The following ZNF362 variants were observed in gnomAD, a reference collection of about 807,000 sequenced individuals.
ZNF362 encodes the protein zinc finger protein 362, also known as rotund homolog.
In ZNF362, 11 loss-of-function variants were observed where a neutral mutation model predicts 42.9. The observed-to-expected ratio is 0.26, with a 90% CI of 0.16 to 0.42. The LOEUF is 0.42. Among genes scored for constraint, ZNF362 ranks in the 20% least tolerant of loss-of-function variants. The pLI, the probability that ZNF362 is intolerant of heterozygous loss-of-function variation, is 1.00. For missense variants in ZNF362, 362 were observed against 576.2 expected (o/e 0.63, Z 3.81); for synonymous variants, 255 against 257.3 (o/e 0.99, Z 0.09).
chr1:33,270,741 GGTGT>G, intron 2 of ZNF362, 129 bp downstream of exon 2: 6 of 1,485,792 alleles, frequency 4.0e-6, no homozygotes, highest in Non-Finnish European at 5.4e-6. Flanking sequence ...CCCTGGGGGA[GGTGT>G]GTGCTTACCC....
chr1:33,189,292 GT>G, the ZNF362 span, among the ~76,000 whole-genome samples: 1 of 152,052 alleles, frequency 6.6e-6, no homozygotes, highest in Admixed American at 6.6e-5. Flanking sequence ...GAGGGGAGAG[GT>G]TCCAATGCAG....
upstream of ZNF362, among the ~76,000 whole-genome samples, chr1:33,252,714 A>C (rs556893563): frequency 2.0e-5 from 3 of 152,328 alleles, no homozygotes; most frequent in Non-Finnish European, 4.4e-5. Context: ...TAAATACTTG[A>C]ATGAGTGAAA....
At chr1:33,263,438 T>C (rs909531434) in intron 1 of ZNF362, among the ~76,000 whole-genome samples, 6 of 148,510 alleles carry the variant, frequency 4.0e-5, no homozygotes, top group Non-Finnish European at 8.9e-5. Flanking sequence ...TGAGATGGAG[T>C]CTCGCTCTAT....
intron 1 of ZNF362, among the ~76,000 whole-genome samples, chr1:33,262,433 A>G (rs1645835032): frequency 6.8e-6 from 1 of 146,024 alleles, no homozygotes; most frequent in East Asian, 2.1e-4. Flanking sequence ...CAGCCTCCCG[A>G]GTAGCTGGGA....
chr1:33,143,902 C>T, the ZNF362 span, among the ~76,000 whole-genome samples: 1 of 152,232 alleles, frequency 6.6e-6, no homozygotes, highest in Non-Finnish European at 1.5e-5. Context: ...ACTCTGTGAC[C>T]ATGTGCGGCT....
intron 1 of ZNF362, 127 bp from the exon 2 acceptor site, chr1:33,270,360 A>G: frequency 3.9e-6 from 2 of 518,118 alleles, no homozygotes; most frequent in Non-Finnish European, 7.0e-6. Flanking sequence ...TGCATCTCAG[A>G]GTCATTGGGA....
chr1:33,280,560 G>A lies in ZNF362; in HGVS notation c.683+103G>A. On this transcript the variant is annotated intron_variant, in intron 5 of 8. Coordinates refer to ENST00000539719, the MANE Select transcript of ZNF362 (RefSeq NM_152493.3). This position sits in a 1 kb window ranked among gnomAD's most constrained non-coding sequence, Gnocchi z 5.6. Reference sequence around the variant, plus strand: ...GCGGGGCTGAAACAGGACCCTTAGGGCTGAGGGGCAGGGCTAGGGTCCAGA... The same window carrying A: ...GCGGGGCTGAAACAGGACCCTTAGGACTGAGGGGCAGGGCTAGGGTCCAGA... 2 of 1,455,764 alleles carry A rather than the reference G, an allele frequency of 1.4e-6. No individual in the cohort carries two copies. The highest frequency in any genetic ancestry group is 9.1e-7 in the Non-Finnish European group (1 of 1,100,558). 90.2% of individuals were successfully genotyped at this position (1,455,764 alleles called of 1,614,324 possible).
chr1:33,145,822 C>T, the ZNF362 span: 7 of 468,962 alleles, frequency 1.5e-5, no homozygotes, highest in African/African-American at 4.0e-5. Flanking sequence ...GGCAGAAAAA[C>T]GCAGGTGGGG....
rs906582052 is a variant in ZNF362 at position 33,290,038 on chromosome 1, G to A, written c.909-4899G>A. Among the ~76,000 whole-genome samples the A allele has an allele frequency of 2.0e-5, 3 of 152,184 alleles. No homozygotes were observed. In the East Asian group the frequency reaches 5.8e-4, roughly 29 times the overall value. On this transcript the variant is annotated intron_variant, in intron 6 of 8. Coordinates refer to ENST00000539719, the MANE Select transcript of ZNF362 (RefSeq NM_152493.3). ...AGCTTGGATAAAGGATTGGAGGTGGGCAAGGGCTCAGTGCTGGAGGAGCTA... is the reference window on the plus strand; with the variant it reads ...AGCTTGGATAAAGGATTGGAGGTGGACAAGGGCTCAGTGCTGGAGGAGCTA...
At chr1:33,190,258 G>T in the ZNF362 span, among the ~76,000 whole-genome samples, 116,405 of 152,018 alleles carry the variant, frequency 0.77, 44,580 homozygotes, top group Non-Finnish European at 0.79. Flanking sequence ...AGGAACTTCA[G>T]GGTCTATTAG....
chr1:33,155,780 G>A, the ZNF362 span, among the ~76,000 whole-genome samples: 2 of 152,126 alleles, frequency 1.3e-5, no homozygotes, highest in Non-Finnish European at 2.9e-5. Context: ...GAACACACAG[G>A]GTTCTCTGCT....
the ZNF362 span, among the ~76,000 whole-genome samples, chr1:33,227,844 T>C: frequency 7.9e-6 from 1 of 125,954 alleles, no homozygotes; most frequent in Non-Finnish European, 1.7e-5. Context: ...TGCTCAGAAA[T>C]GGAGAGGGAA....
chr1:33,237,892 T>G, the ZNF362 span, among the ~76,000 whole-genome samples: 31,892 of 152,202 alleles, frequency 0.21, 3,595 homozygotes, highest in South Asian at 0.29. Context: ...TGAGCATCTA[T>G]GAAATCTATG....
the ZNF362 span, among the ~76,000 whole-genome samples, chr1:33,191,516 T>C: frequency 6.8e-6 from 1 of 146,990 alleles, no homozygotes; most frequent in African/African-American, 2.6e-5. Context: ...TTGTTTTTGT[T>C]TTTGTTTTTT....
the ZNF362 span, among the ~76,000 whole-genome samples, chr1:33,216,592 T>A: frequency 1.8e-5 from 1 of 54,856 alleles, no homozygotes; most frequent in Non-Finnish European, 3.5e-5. Flanking sequence ...AGAGCAAGAC[T>A]CTGTCTCAAA....
chr1:33,251,938 A>G (rs1645763760), upstream of ZNF362, among the ~76,000 whole-genome samples: 1 of 152,194 alleles, frequency 6.6e-6, no homozygotes, highest in Non-Finnish European at 1.5e-5. Context: ...GGAGCACTGT[A>G]TTTCCCAGCC....
At chr1:33,154,627 G>A in the ZNF362 span, among the ~76,000 whole-genome samples, 8 of 151,736 alleles carry the variant, frequency 5.3e-5, no homozygotes, top group East Asian at 1.4e-3. Context: ...GTGAAACACC[G>A]TCTCTACTAA....
At chr1:33,225,347 T>C in the ZNF362 span, among the ~76,000 whole-genome samples, 1 of 152,192 alleles carries the variant, frequency 6.6e-6, no homozygotes, top group Non-Finnish European at 1.5e-5. Context: ...TCTGACATAT[T>C]ATATATTTTA....
chr1:33,264,506 C>T (rs572151320), intron 1 of ZNF362, among the ~76,000 whole-genome samples: 1 of 152,284 alleles, frequency 6.6e-6, no homozygotes, highest in South Asian at 2.1e-4. Context: ...ATGGAGATAC[C>T]ATAATCATCC....
Sources: allele counts gnomAD v4.1 joint callset (sites outside exome capture counted in the v4.1 genomes callset), GRCh38; gene constraint gnomAD v4.1.1; non-coding constraint Gnocchi (gnomAD v3.1); transcripts MANE v1.5; gene names NCBI Gene and HGNC (gene_info 2026-07-23, HGNC 2026-07-21).